Variants in PLEKHG6 observed in about 807,000 individuals in gnomAD.
PLEKHG6 encodes pleckstrin homology domain-containing family G member 6.
Under a neutral mutation model 97.5 loss-of-function variants are expected in PLEKHG6, and 91 were observed. The ratio of observed to expected loss-of-function variants is 0.93; its 90% CI spans 0.79 to 1.11. The LOEUF is 1.11. PLEKHG6 is among the 50% of genes most tolerant of loss of function. The pLI is 0.00. For missense variants in PLEKHG6, 1,044 were observed against 1,031.0 expected (o/e 1.01, Z -0.17); for synonymous variants, 466 against 425.5 (o/e 1.10, Z -1.17).
In PLEKHG6 at chr12:6,319,009, C is replaced by G. The variant is rs755264580; in HGVS notation, c.1425C>G (p.Ile475Met). 2 of 1,613,990 alleles carry G rather than the reference C, an allele frequency of 1.2e-6. No individual in the cohort carries two copies. The highest frequency in any genetic ancestry group is 1.7e-6 in the Non-Finnish European group (2 of 1,179,890). The change falls in exon 13 of 16, where the codon ATC (isoleucine) becomes ATG (methionine). Residue 475 changes from isoleucine (I) to methionine (M), a missense_variant. Transcript: ENST00000684764. ...TCCATCCAGACAGCTTCCTGCTGATCCACCTCACTGAATTCCAGTGTGTCT... is the reference window on the plus strand; with the variant it reads ...TCCATCCAGACAGCTTCCTGCTGATGCACCTCACTGAATTCCAGTGTGTCT... ...PLRDPNSFLL[I>M]HLTEFQCVSS...
In PLEKHG6 at chr12:6,313,636, G is replaced by A. The variant is rs1253905309; in HGVS notation, c.146G>A (p.Ser49Asn). ...YPRGYPVLDP[S>N]RRRLQQYVPF... The stretch of plus-strand genomic sequence containing the variant: ...CCCCTGCTCCTCTCCCAGGATCCCA[G>A]TCGCCGACGCCTCCAGCAGTATGTC... Residue 49 changes from serine to asparagine, a missense_variant, in exon 3 of 16, where the codon AGT becomes AAT. Coordinates refer to ENST00000684764, the MANE Select transcript of PLEKHG6 (RefSeq NM_001384598.1). The A allele has an allele frequency of 1.2e-6, 2 of 1,614,046 alleles. No individual in the cohort carries two copies. Among genetic ancestry groups the A allele is most frequent in the Admixed American group, 3.3e-5 (2 of 60,016 alleles).
intron 2 of PLEKHG6, chr12:6,313,272 C>A: frequency 1.6e-6 from 2 of 1,238,320 alleles, no homozygotes; most frequent in African/African-American, 1.5e-5. Flanking sequence ...TGCACCACGC[C>A]TTGTCCATGC....
At chr12:6,317,443 G>T (rs757672653) in intron 8 of PLEKHG6, 30 bp downstream of exon 8, 1 of 1,607,980 alleles carries the variant, frequency 6.2e-7, no homozygotes, top group Non-Finnish European at 8.5e-7. Flanking sequence ...GGAGGGGGAC[G>T]GGTGCATCTT....
upstream of PLEKHG6, chr12:6,310,656 A>G (rs2136704172): frequency 6.6e-6 from 1 of 152,124 alleles, no homozygotes. Flanking sequence ...TGCTGGCGGT[A>G]GGGAGGGGCC....
rs146528945 is a variant in PLEKHG6, at chr12:6,312,271, C to T, written c.45C>T (p.Leu15=). Residue 15 remains leucine (L), a synonymous_variant, in exon 2 of 16, where the codon CTC becomes CTT. Coordinates refer to ENST00000684764, the MANE Select transcript of PLEKHG6 (RefSeq NM_001384598.1). ...GPPHEGPLQG[L]VASRIETYGG... is the part of the protein sequence containing the mutation. ...CACATGAGGGCCCCCTCCAAGGACT[C>T]GTGGCCTCCCGCATTGAGACTTATG... is the stretch of plus-strand genomic sequence containing the variant. The T allele has an allele frequency of 1.0e-4, 158 of 1,548,758 alleles. No homozygotes were observed. In the African/African-American group the frequency reaches 2.1e-3, roughly 21 times the overall value.
chr12:6,321,334 C>A (rs1947693813), intron 13 of PLEKHG6, among the ~76,000 whole-genome samples: 2 of 151,920 alleles, frequency 1.3e-5, no homozygotes, highest in African/African-American at 4.8e-5. Context: ...GCCATGAATT[C>A]TTGAGCAAGG....
In PLEKHG6 at chr12:6,318,426, G is replaced by T; in HGVS notation, c.1275+6G>T. ...AGGAGGGACGAGAAGGGAAGGTGAG[G>T]GTGCTGCGGACAGAGTGGAGGGGAT... On this transcript the variant is annotated splice_donor_region_variant and intron_variant, in intron 11 of 15. Coordinates refer to ENST00000684764, the MANE Select transcript of PLEKHG6 (RefSeq NM_001384598.1). 1 of 1,603,548 alleles carries T rather than the reference G, an allele frequency of 6.2e-7. No homozygotes were observed. Among genetic ancestry groups the T allele is most frequent in the Non-Finnish European group, 8.5e-7 (1 of 1,175,458 alleles).
rs376112658 is a variant in PLEKHG6, at chr12:6,327,462, C to T, written c.1879C>T (p.Arg627Trp). Residue 627 changes from arginine (R) to tryptophan (W), a missense_variant, in exon 15 of 16, where the codon CGG (arginine) becomes TGG (tryptophan). Arg to Trp is a moderately radical substitution (Grantham distance 101). Coordinates refer to ENST00000684764, the MANE Select transcript of PLEKHG6 (RefSeq NM_001384598.1). ...PRLTFSTLEL[R>W]DIPLRPHPPD... is the part of the protein sequence containing the mutation. ...CCTCACCTTCTCCACCCTGGAACTC[C>T]GGGACATCCCTCTGCGTCCCCACCC... is the stretch of plus-strand genomic sequence containing the variant. The T allele has an allele frequency of 2.3e-5, 37 of 1,612,638 alleles. No homozygotes were observed. The highest frequency in any genetic ancestry group is 1.7e-4 in the Middle Eastern group (1 of 6,052).
Position 6,328,123 on chromosome 12 carries a change from C to G in PLEKHG6, c.2364-13C>G. The stretch of plus-strand genomic sequence containing the variant: ...CACTGAATGTCGCCTAACACCCCCT[C>G]CTGTCTTTTCAGAGAGGTATGAGGA... On this transcript the variant is annotated splice_polypyrimidine_tract_variant and intron_variant, in intron 15 of 15. Transcript: ENST00000684764. The G allele has an allele frequency of 6.2e-7, 1 of 1,614,082 alleles. No individual in the cohort carries two copies.
At chr12:6,324,773 C>G (rs1295218180) in intron 13 of PLEKHG6, among the ~76,000 whole-genome samples, 2 of 152,166 alleles carry the variant, frequency 1.3e-5, no homozygotes, top group Admixed American at 6.5e-5. Flanking sequence ...GTCTCTTGTC[C>G]TGACCCAGCT....
rs546630294 is a variant in PLEKHG6, at chr12:6,325,918, C to G, written c.1525-510C>G. Among the ~76,000 whole-genome samples the G allele has an allele frequency of 2.0e-5, 3 of 152,296 alleles. No individual in the cohort carries two copies. In the South Asian group the frequency reaches 6.2e-4, roughly 32 times the overall value. Reference sequence around the variant, plus strand: ...CCCCACTTTCTTATGGTAAGAAGTACCCCCTCAGACAGTTACTTAACCTTA... The same window carrying G: ...CCCCACTTTCTTATGGTAAGAAGTAGCCCCTCAGACAGTTACTTAACCTTA... On this transcript the variant is annotated intron_variant, in intron 13 of 15. Coordinates refer to ENST00000684764, the MANE Select transcript of PLEKHG6 (RefSeq NM_001384598.1).
Position 6,327,295 on chromosome 12 carries a change from C to G in PLEKHG6, c.1712C>G (p.Thr571Arg), listed in dbSNP as rs894671005. The G allele has an allele frequency of 2.5e-6, 4 of 1,611,562 alleles. No homozygotes were observed. The African/African-American group carries it at 5.3e-5, about 22-fold the overall frequency. Residue 571 changes from threonine (T) to arginine (R), a missense_variant, in exon 15 of 16, where the codon ACA becomes AGA. Coordinates refer to ENST00000684764, the MANE Select transcript of PLEKHG6 (RefSeq NM_001384598.1). Reference sequence around the variant, plus strand: ...ACCATTATCCCCCACCTGGTGGTGACAGAAGACACAGATGAAGATGCTCCC... The same window carrying G: ...ACCATTATCCCCCACCTGGTGGTGAGAGAAGACACAGATGAAGATGCTCCC... ...FSTIIPHLVV[T>R]EDTDEDAPLV...
In PLEKHG6 at chr12:6,313,166, C is replaced by T. The variant is rs1038019037; in HGVS notation, c.139-463C>T. ...CTGGATGGGATGCAGGCTGCACGCCCCTGGGGAGAAGGCTGCACATGTGAG... is the reference window on the plus strand; with the variant it reads ...CTGGATGGGATGCAGGCTGCACGCCTCTGGGGAGAAGGCTGCACATGTGAG... On this transcript the variant is annotated intron_variant, in intron 2 of 15. Transcript: ENST00000684764. 5.8e-6 allele frequency: 9 copies of T among 1,550,028 alleles called. No homozygotes were observed. In the Middle Eastern group the frequency reaches 5.0e-4, roughly 86 times the overall value.
In PLEKHG6 at chr12:6,317,917, C is replaced by A; in HGVS notation, c.1078C>A (p.Gln360Lys). Residue 360 changes from glutamine to lysine, a missense_variant, in exon 10 of 16, where the codon CAA (glutamine) becomes AAA (lysine). By Grantham distance (53) the Gln-to-Lys change is moderately conservative. Transcript: ENST00000684764. ...INGQVRQGEEQESLAAAAQRI... is the reference protein window; with the variant it reads ...INGQVRQGEEKESLAAAAQRI... ...TGGGCAGGTCCGCCAGGGCGAAGAGCAAGAGAGCTTGGCGGCTGCAGCACA... is the reference window on the plus strand; with the variant it reads ...TGGGCAGGTCCGCCAGGGCGAAGAGAAAGAGAGCTTGGCGGCTGCAGCACA... 1 of 1,566,628 alleles carries A rather than the reference C, an allele frequency of 6.4e-7. No individual in the cohort carries two copies. The highest frequency in any genetic ancestry group is 8.7e-7 in the Non-Finnish European group (1 of 1,155,064).
intron 13 of PLEKHG6, among the ~76,000 whole-genome samples, chr12:6,323,016 T>C (rs1266359975): frequency 6.6e-6 from 1 of 152,252 alleles, no homozygotes; most frequent in East Asian, 1.9e-4. Context: ...GGGCTGGCAG[T>C]GAATGGCAGG....
intron 2 of PLEKHG6, 182 bp downstream of exon 2, chr12:6,312,546 C>A: frequency 8.8e-7 from 1 of 1,139,244 alleles, no homozygotes; most frequent in Non-Finnish European, 1.2e-6. Flanking sequence ...AGGGATATCA[C>A]ACCCCAGTCC....
chr12:6,315,976 G>A lies in PLEKHG6; in HGVS notation c.606+57G>A, dbSNP rs1477303928. On this transcript the variant is annotated intron_variant, in intron 6 of 15. Transcript: ENST00000684764. This position sits in a 1 kb window ranked among gnomAD's most constrained non-coding sequence, Gnocchi z 4.5. ...CAGCCCGACCTCTGAGCCTGGGGAT[G>A]AGGGTGGGCCCTCCAGCCATCCCTG... The A allele has an allele frequency of 6.9e-7, 1 of 1,458,764 alleles. No individual in the cohort carries two copies. Among genetic ancestry groups the A allele is most frequent in the South Asian group, 1.2e-5 (1 of 80,682 alleles). The allele number at this position is 1,458,764 out of a possible 1,614,324, so 90.4% of individuals were successfully genotyped here. A position where few individuals can be genotyped will look rare whatever the true frequency, so the allele number is the denominator to read the frequency against.
At position 6,327,761 on chromosome 12, in the gene PLEKHG6, C is replaced by A; in HGVS notation, c.2178C>A (p.Gly726=). 6.5e-7 allele frequency: 1 copy of A among 1,542,338 alleles called. No homozygotes were observed. The highest frequency in any genetic ancestry group is 8.7e-7 in the Non-Finnish European group (1 of 1,148,666). ...EEEGPLFLKA[G]HTSLRPMRAE... is the part of the protein sequence containing the mutation. The stretch of plus-strand genomic sequence containing the variant: ...AGGGGCCTCTGTTCCTGAAAGCTGG[C>A]CACACATCCCTGCGCCCAATGCGGG... Residue 726 remains glycine, a synonymous_variant, in exon 15 of 16, where the codon GGC becomes GGA. Transcript: ENST00000684764.
At chr12:6,311,356 C>A (rs763181002) in intron 1 of PLEKHG6, among the ~76,000 whole-genome samples, 10 of 152,200 alleles carry the variant, frequency 6.6e-5, no homozygotes, top group Non-Finnish European at 1.0e-4. Context: ...TTTGGCTGGT[C>A]TCTAAGGGCA....
Sources: gnomAD v4.1 joint callset for allele counts (sites outside exome capture counted in the v4.1 genomes callset) on GRCh38, gnomAD v4.1.1 for gene constraint, Gnocchi (gnomAD v3.1) non-coding constraint, MANE v1.5 for transcripts, NCBI Gene and HGNC (gene_info 2026-07-23, HGNC 2026-07-21) for gene names.